Variants in PODXL observed in about 807,000 individuals in gnomAD.
PODXL encodes the protein podocalyxin.
A neutral mutation model predicts 48.9 loss-of-function variants in PODXL; 20 were observed. That is an observed-to-expected ratio of 0.41 (90% CI 0.29 to 0.59). The LOEUF (loss-of-function observed/expected upper bound fraction) is 0.59. PODXL is among the 20% of genes least tolerant of loss of function. PODXL has a pLI of 0.31. For missense variants in PODXL, 606 were observed against 675.1 expected (o/e 0.90, Z 1.13); for synonymous variants, 295 against 287.4 (o/e 1.03, Z -0.27).
At position 131,556,290 on chromosome 7, in the gene PODXL, G is replaced by GCGACGA; in HGVS notation, c.64_69dup (p.Ser22_Ser23dup). The GCGACGA allele has an allele frequency of 6.7e-7, 1 of 1,484,598 alleles. No homozygotes were observed. Among genetic ancestry groups the GCGACGA allele is most frequent in the South Asian group, 1.3e-5 (1 of 77,046 alleles). The allele number at this position is 1,484,598 out of a possible 1,614,324, so 92.0% of individuals were successfully genotyped here. A position where few individuals can be genotyped will look rare whatever the true frequency, so the allele number is the denominator to read the frequency against. On this transcript the variant is annotated inframe_insertion, in exon 1 of 9. Transcript: ENST00000378555. Reference sequence around the variant, plus strand: ...TGGGAGGGCGACGGCGACGGCGACGGCGACGACGGCAGCAGCGGCGGCGTT... The same window carrying GCGACGA: ...TGGGAGGGCGACGGCGACGGCGACGGCGACGACGACGACGGCAGCAGCGGCGGCGTT...
chr7:131,537,775 C>CG (rs1229871434), intron 1 of PODXL, among the ~76,000 whole-genome samples: 1 of 152,152 alleles, frequency 6.6e-6, no homozygotes, highest in African/African-American at 2.4e-5. Flanking sequence ...TGAGAAGATT[C>CG]GGGGTTGTGT....
intron 5 of PODXL, chr7:131,506,978 C>T (rs1197364721): frequency 2.4e-5 from 12 of 508,974 alleles, no homozygotes; most frequent in South Asian, 1.8e-4. Flanking sequence ...ATCTGGTCTA[C>T]GCTTGCACCT....
intron 1 of PODXL, among the ~76,000 whole-genome samples, chr7:131,547,609 C>G (rs1379044372): frequency 6.6e-6 from 1 of 152,164 alleles, no homozygotes; most frequent in African/African-American, 2.4e-5. Flanking sequence ...GCAGAGATTT[C>G]CATTTTTCTT....
Position 131,511,082 on chromosome 7 carries a change from C to T in PODXL, c.452G>A (p.Gly151Glu). The part of the protein sequence containing the change: ...AKPNTTSSQN[G>E]AEDTTNSGGK... ...CCCAGAGTTTGTTGTATCTTCTGCT[C>T]CATTCTGGCTGCTTGTGGTGTTAGG... Residue 151 changes from glycine to glutamate, a missense_variant, in exon 2 of 9, where the codon GGA (glycine) becomes GAA (glutamate). Transcript: ENST00000378555. 1.2e-6 allele frequency: 2 copies of T among 1,614,026 alleles called. No individual in the cohort carries two copies. The highest frequency in any genetic ancestry group is 1.7e-6 in the Non-Finnish European group (2 of 1,180,014).
intron 5 of PODXL, among the ~76,000 whole-genome samples, chr7:131,507,183 GGT>G (rs1255439877): frequency 6.6e-6 from 1 of 152,198 alleles, no homozygotes; most frequent in Non-Finnish European, 1.5e-5. Context: ...GGAGAAATCA[GGT>G]GGGGAGGCTG....
At chr7:131,524,341 A>G (rs1011811433) in intron 1 of PODXL, among the ~76,000 whole-genome samples, 2 of 106,948 alleles carry the variant, frequency 1.9e-5, no homozygotes, top group Non-Finnish European at 4.4e-5. Context: ...ACTGAGTTCA[A>G]TAGGAAACAC....
At chr7:131,546,240 A>T (rs920355753) in intron 1 of PODXL, among the ~76,000 whole-genome samples, 2 of 152,172 alleles carry the variant, frequency 1.3e-5, no homozygotes, top group African/African-American at 2.4e-5. Flanking sequence ...CTGAGAAAGG[A>T]AAGTGAAAGG....
chr7:131,553,451 C>T (rs558575136), intron 1 of PODXL, among the ~76,000 whole-genome samples: 1 of 152,294 alleles, frequency 6.6e-6, no homozygotes, highest in South Asian at 2.1e-4. Context: ...CCCTTAAACC[C>T]ACCAGGTGCT....
At position 131,546,312 on chromosome 7, in the gene PODXL, C is replaced by G. The variant is rs536284989; in HGVS notation, c.100+9948G>C. Among the ~76,000 whole-genome samples, 62 of 152,252 alleles carry G rather than the reference C, an allele frequency of 4.1e-4. 1 individual carries two copies. The highest frequency in any genetic ancestry group is 1.5e-3 in the African/African-American group (61 of 41,538). ...TGGGCGTGTCCAGGAGCTGATTACCCAATCACAAGCGCCATTTATCCAGGT... is the reference window on the plus strand; with the variant it reads ...TGGGCGTGTCCAGGAGCTGATTACCGAATCACAAGCGCCATTTATCCAGGT... On this transcript the variant is annotated intron_variant, in intron 1 of 8. Transcript: ENST00000378555.
At chr7:131,516,705 G>A (rs1273771032) in intron 1 of PODXL, among the ~76,000 whole-genome samples, 2 of 149,944 alleles carry the variant, frequency 1.3e-5, no homozygotes, top group Admixed American at 1.3e-4. Flanking sequence ...ATAATTGTGG[G>A]TCACGCTTTG....
intron 1 of PODXL, among the ~76,000 whole-genome samples, chr7:131,544,418 C>T (rs1000360790): frequency 2.6e-5 from 4 of 152,190 alleles, no homozygotes; most frequent in African/African-American, 9.7e-5. Context: ...CATAGGATGC[C>T]GTGGGTGAAC....
At position 131,502,765 on chromosome 7, in the gene PODXL, C is replaced by A. The variant is rs552955614; in HGVS notation, c.*1546G>T. On this transcript the variant is annotated 3_prime_UTR_variant, in exon 9 of 9. Transcript: ENST00000378555. ...CTCAATCAGATGAAACCTCACCATG[C>A]CCACTGCTTAGGAGCCTTCTACATG... is the stretch of plus-strand genomic sequence containing the variant. 1 of 152,840 alleles carries A rather than the reference C, an allele frequency of 6.5e-6. No homozygotes were observed. Among genetic ancestry groups the A allele is most frequent in the East Asian group, 1.9e-4 (1 of 5,190 alleles). The allele number at this position is 152,840 out of a possible 1,614,324, so 9.5% of individuals were successfully genotyped here.
At chr7:131,518,697 A>G (rs1338053409) in intron 1 of PODXL, among the ~76,000 whole-genome samples, 1 of 152,204 alleles carries the variant, frequency 6.6e-6, no homozygotes, top group Non-Finnish European at 1.5e-5. Context: ...GGTAAAGCCT[A>G]TGGTCTGTGG....
rs370699043 is a variant in PODXL, at chr7:131,511,452, G to A, written c.101-19C>T. The stretch of plus-strand genomic sequence containing the variant: ...TGGGTTGCTGTTTGTAAAGATAACA[G>A]AGAATGGAGTTAGGGCTGGGAGGCT... On this transcript the variant is annotated intron_variant, in intron 1 of 8. Transcript: ENST00000378555. 1.9e-6 allele frequency: 3 copies of A among 1,599,174 alleles called. No individual in the cohort carries two copies. The highest frequency in any genetic ancestry group is 1.3e-5 in the African/African-American group (1 of 75,034).
At position 131,531,066 on chromosome 7, in the gene PODXL, A is replaced by C. The variant is rs186085363; in HGVS notation, c.101-19633T>G. On this transcript the variant is annotated intron_variant, in intron 1 of 8. Coordinates refer to ENST00000378555, the MANE Select transcript of PODXL (RefSeq NM_001018111.3). ...AGAGCAAAACTCCGTCTCAAAAAAA[A>C]AATTAAGTCAGTACGCTTAATTCCC... Among the ~76,000 whole-genome samples, 13 of 152,178 alleles carry C rather than the reference A, an allele frequency of 8.5e-5. No individual in the cohort carries two copies. In the East Asian group the frequency reaches 2.5e-3, roughly 29 times the overall value.
At position 131,507,668 on chromosome 7, in the gene PODXL, G is replaced by GAA. The variant is rs1562902919; in HGVS notation, c.1102-943_1102-942insTT. 6.8e-3 allele frequency among the ~76,000 whole-genome samples: 778 copies of GAA among 114,446 alleles called. 4 individuals are homozygous for GAA. Among genetic ancestry groups the GAA allele is most frequent in the African/African-American group, 0.022 (738 of 34,046 alleles). The allele number at this position is 114,446 out of a possible 152,430, so 75.1% of individuals were successfully genotyped here. A position where few individuals can be genotyped will look rare whatever the true frequency, so the allele number is the denominator to read the frequency against. On this transcript the variant is annotated intron_variant, in intron 5 of 8. Transcript: ENST00000378555. Reference sequence around the variant, plus strand: ...TTTCCATCTTCCTTTTCTAGCAAAGGGAAAAAAAAAAAAAGTGTCTCACAA... The same window carrying GAA: ...TTTCCATCTTCCTTTTCTAGCAAAGGAAGAAAAAAAAAAAAAGTGTCTCACAA...
chr7:131,512,842 G>A (rs965866968), intron 1 of PODXL, among the ~76,000 whole-genome samples: 2 of 151,842 alleles, frequency 1.3e-5, no homozygotes, highest in African/African-American at 4.8e-5. Context: ...TAAGCTGGGC[G>A]TGGTGATGGT....
At position 131,548,479 on chromosome 7, in the gene PODXL, T is replaced by C. The variant is rs770529345; in HGVS notation, c.100+7781A>G. Among the ~76,000 whole-genome samples, 92 of 152,358 alleles carry C rather than the reference T, an allele frequency of 6.0e-4. 1 individual carries two copies. The highest frequency in any genetic ancestry group is 6.8e-4 in the Non-Finnish European group (46 of 68,034). Reference sequence around the variant, plus strand: ...ACAAAATGTGACTAGAAGTGTCACATGTGGTTTCTGGGAGGCACACTCTAA... The same window carrying C: ...ACAAAATGTGACTAGAAGTGTCACACGTGGTTTCTGGGAGGCACACTCTAA... On this transcript the variant is annotated intron_variant, in intron 1 of 8. Transcript: ENST00000378555.
intron 1 of PODXL, among the ~76,000 whole-genome samples, chr7:131,516,975 C>G (rs964878003): frequency 6.6e-6 from 1 of 152,118 alleles, no homozygotes; most frequent in African/African-American, 2.4e-5. Flanking sequence ...CTACCTCAGC[C>G]TCCCAAATTG....
Sources: gnomAD v4.1 joint callset for allele counts (sites outside exome capture counted in the v4.1 genomes callset) on GRCh38, gnomAD v4.1.1 for gene constraint, MANE v1.5 for transcripts, NCBI Gene and HGNC (gene_info 2026-07-23, HGNC 2026-07-21) for gene names.